Variants in PID1 observed in about 807,000 individuals in gnomAD.
PID1 encodes PTB-containing, cubilin and LRP1-interacting protein.
In PID1, 10 loss-of-function variants were observed where a neutral mutation model predicts 19.1. That is an observed-to-expected ratio of 0.52 (90% confidence interval 0.32 to 0.89). PID1 has a LOEUF of 0.89. Among genes scored for constraint, PID1 ranks in the 40% least tolerant of loss-of-function variants. PID1 has a pLI of 0.03. For missense variants in PID1, 248 were observed against 285.3 expected, an observed-to-expected ratio of 0.87 and a Z score of 0.94; for synonymous variants, 130 against 116.0, an observed-to-expected ratio of 1.12 and a Z score of -0.78.
intron 2 of PID1, among the ~76,000 whole-genome samples, chr2:229,108,929 T>C (rs1363531273): frequency 6.6e-6 from 1 of 152,224 alleles, no homozygotes; most frequent in East Asian, 1.9e-4. Context: ...CTGTATGATA[T>C]CAGCAAAAAT....
At chr2:229,262,607 T>A (rs1012224836) in intron 1 of PID1, 8 of 1,508,402 alleles carry the variant, frequency 5.3e-6, no homozygotes, top group Non-Finnish European at 5.3e-6. Flanking sequence ...TTCACTGGTG[T>A]AGTAGCTACC....
chr2:229,029,283 A>T (rs1365574236), intron 2 of PID1, among the ~76,000 whole-genome samples: 1 of 144,088 alleles, frequency 6.9e-6, no homozygotes, highest in Non-Finnish European at 1.5e-5. Context: ...GAAAAAAAAA[A>T]TGGGCAATGG....
chr2:229,069,474 C>T (rs1157542130), intron 2 of PID1, among the ~76,000 whole-genome samples: 1 of 152,094 alleles, frequency 6.6e-6, no homozygotes, highest in Non-Finnish European at 1.5e-5. Flanking sequence ...AACAGTCCTA[C>T]CACACTGCAA....
chr2:229,235,903 T>A (rs919728976), intron 1 of PID1, among the ~76,000 whole-genome samples: 6 of 152,170 alleles, frequency 3.9e-5, no homozygotes, highest in Non-Finnish European at 7.3e-5. Flanking sequence ...AAAAGACCTA[T>A]GGCCAGCTGG....
At chr2:229,033,355 A>G (rs1329607393) in intron 2 of PID1, among the ~76,000 whole-genome samples, 2 of 152,224 alleles carry the variant, frequency 1.3e-5, no homozygotes, top group Admixed American at 6.5e-5. Context: ...CTTCTCAAGA[A>G]TGACAAGCCA....
At chr2:229,104,295 A>ATT (rs1695131565) in intron 2 of PID1, among the ~76,000 whole-genome samples, 1 of 152,192 alleles carries the variant, frequency 6.6e-6, no homozygotes, top group Admixed American at 6.5e-5. Flanking sequence ...AGCCTGACAA[A>ATT]GCCACACTGT....
chr2:229,042,995 G>A (rs1380449161), intron 2 of PID1, among the ~76,000 whole-genome samples: 1 of 140,678 alleles, frequency 7.1e-6, no homozygotes, highest in Non-Finnish European at 1.5e-5. Flanking sequence ...GAGAGAGAGA[G>A]GAGAAAGGGA....
chr2:229,114,144 T>C (rs1695361156), intron 2 of PID1, among the ~76,000 whole-genome samples: 1 of 146,844 alleles, frequency 6.8e-6, no homozygotes, highest in South Asian at 2.4e-4. Context: ...TTTCTCTCTC[T>C]CTCTCTTTCT....
chr2:229,127,799 G>C (rs936149640), intron 2 of PID1, among the ~76,000 whole-genome samples: 1 of 152,158 alleles, frequency 6.6e-6, no homozygotes, highest in Non-Finnish European at 1.5e-5. Flanking sequence ...TCACGAAAAA[G>C]AATAATGAAC....
intron 2 of PID1, among the ~76,000 whole-genome samples, chr2:229,153,510 C>G (rs1371965972): frequency 1.3e-5 from 2 of 152,158 alleles, no homozygotes; most frequent in African/African-American, 2.4e-5. Context: ...TTGTCGATTT[C>G]CTTTGTCTAG....
At chr2:229,086,670 A>G (rs1435828286) in intron 2 of PID1, among the ~76,000 whole-genome samples, 1 of 152,210 alleles carries the variant, frequency 6.6e-6, no homozygotes, top group African/African-American at 2.4e-5. Context: ...GCTTGATGGC[A>G]GTGAGACAGA....
chr2:229,250,333 TCAACACATG>T (rs1690116943), intron 1 of PID1, among the ~76,000 whole-genome samples: 1 of 152,312 alleles, frequency 6.6e-6, no homozygotes, highest in Admixed American at 6.5e-5. Flanking sequence ...TTGGCAGTTT[TCAACACATG>T]CCATTGGACA....
intron 2 of PID1, among the ~76,000 whole-genome samples, chr2:229,038,180 C>A (rs1172275111): frequency 6.6e-6 from 1 of 152,054 alleles, no homozygotes; most frequent in Admixed American, 6.6e-5. Flanking sequence ...GCTAATTAGA[C>A]CTGGAATTGT....
At chr2:229,244,228 A>C (rs1023002087) in intron 1 of PID1, among the ~76,000 whole-genome samples, 1 of 152,182 alleles carries the variant, frequency 6.6e-6, no homozygotes, top group African/African-American at 2.4e-5. Context: ...CTTGTTAAGC[A>C]GTCAGCATAG....
chr2:229,176,904 T>A (rs770427104), intron 1 of PID1, among the ~76,000 whole-genome samples: 4 of 152,186 alleles, frequency 2.6e-5, no homozygotes, highest in Non-Finnish European at 4.4e-5. Context: ...TGAACTTAAC[T>A]TCCTGTATTA....
At chr2:229,137,461 C>G (rs1689879550) in intron 2 of PID1, among the ~76,000 whole-genome samples, 1 of 152,176 alleles carries the variant, frequency 6.6e-6, no homozygotes, top group African/African-American at 2.4e-5. Context: ...TACCATAGGA[C>G]TAGCGTTTAA....
chr2:229,216,498 CA>C (rs1193913654), intron 1 of PID1, among the ~76,000 whole-genome samples: 4 of 152,034 alleles, frequency 2.6e-5, no homozygotes, highest in Non-Finnish European at 5.9e-5. Flanking sequence ...GCTAAATGAC[CA>C]TGTCTCAGAG....
At chr2:229,259,888 G>A (rs56389135) in intron 1 of PID1, among the ~76,000 whole-genome samples, 7,408 of 152,070 alleles carry the variant, frequency 0.049, 247 homozygotes, top group Middle Eastern at 0.11. Context: ...AGGACACAGC[G>A]TGAAGGCACC....
intron 2 of PID1, among the ~76,000 whole-genome samples, chr2:229,088,757 A>T (rs1694816115): frequency 6.6e-6 from 1 of 152,108 alleles, no homozygotes; most frequent in Non-Finnish European, 1.5e-5. Context: ...AGAGGCAAAA[A>T]TACACTGGAA....
Sources: gnomAD v4.1 joint callset for allele counts (sites outside exome capture counted in the v4.1 genomes callset) on GRCh38, gnomAD v4.1.1 for gene constraint, MANE v1.5 for transcripts, NCBI Gene and HGNC (gene_info 2026-07-23, HGNC 2026-07-21) for gene names.